Variants in PRIM2 observed in about 807,000 individuals in gnomAD.
PRIM2 encodes the protein DNA primase large subunit.
A neutral mutation model predicts 67.3 loss-of-function variants in PRIM2; 39 were observed. The observed-to-expected ratio is 0.58, with a 90% CI of 0.45 to 0.76. The LOEUF (loss-of-function observed/expected upper bound fraction) is 0.76. Among genes scored for constraint, PRIM2 ranks in the 30% least tolerant of loss-of-function variants. PRIM2 has a pLI of 0.00. For synonymous variants in PRIM2, 143 were observed against 198.7 expected (o/e 0.72, Z 2.36); for missense variants, 398 against 598.7 (o/e 0.66, Z 3.50).
intron 10 of PRIM2, among the ~76,000 whole-genome samples, chr6:57,593,303 C>A (rs1776313233): frequency 6.6e-6 from 1 of 151,664 alleles, no homozygotes. Flanking sequence ...CTTCTTCCTA[C>A]CTCTTTTTTT....
rs1268696875 is a variant in PRIM2, at chr6:57,606,271, T to C, written c.1148-104T>C. On this transcript the variant is annotated intron_variant, in intron 11 of 13. Transcript: ENST00000615550. ...CAATTACCTTTTTTTATTAATAAGC[T>C]GTTAGACAATTAAGGGGAGCTTAGA... 9 of 806,378 alleles carry C rather than the reference T, an allele frequency of 1.1e-5. No homozygotes were observed. The Admixed American group carries it at 2.0e-4, about 18-fold the overall frequency. The allele number at this position is 806,378 out of a possible 1,614,324, so 50.0% of individuals were successfully genotyped here.
chr6:57,437,955 A>T (rs1303695461), intron 7 of PRIM2, among the ~76,000 whole-genome samples: 1 of 152,116 alleles, frequency 6.6e-6, no homozygotes, highest in African/African-American at 2.4e-5. Context: ...CCCTGCCTGG[A>T]CAGGAAAGAT....
At chr6:57,372,752 G>A (rs376691627) in intron 5 of PRIM2, among the ~76,000 whole-genome samples, 14 of 152,240 alleles carry the variant, frequency 9.2e-5, no homozygotes, top group African/African-American at 3.4e-4. Flanking sequence ...ATGGCCTCTA[G>A]CTCCATCCAT....
intron 12 of PRIM2, among the ~76,000 whole-genome samples, chr6:57,627,277 C>T (rs1352481422): frequency 1.6e-4 from 2 of 12,890 alleles, no homozygotes; most frequent in East Asian, 0.012. Flanking sequence ...GAGACTCTGT[C>T]TCAAAAAAAA....
intron 10 of PRIM2, among the ~76,000 whole-genome samples, chr6:57,539,773 C>T (rs1443447496): frequency 2.0e-5 from 3 of 151,790 alleles, no homozygotes; most frequent in Non-Finnish European, 2.9e-5. Context: ...GCAGGTGGGT[C>T]GCCTGAGGTC....
chr6:57,327,830 G>A (rs1767918083), intron 5 of PRIM2, among the ~76,000 whole-genome samples: 1 of 152,104 alleles, frequency 6.6e-6, no homozygotes, highest in South Asian at 2.1e-4. Context: ...TTGGCACCAG[G>A]GACTGGTTTC....
intron 8 of PRIM2, among the ~76,000 whole-genome samples, chr6:57,510,240 TTA>T (rs1774336769): frequency 2.0e-5 from 3 of 152,178 alleles, no homozygotes; most frequent in Non-Finnish European, 4.4e-5. Flanking sequence ...ATGATAGGTA[TTA>T]TATGTTTTGT....
At chr6:57,251,911 C>A in the PRIM2 span, among the ~76,000 whole-genome samples, 1 of 152,136 alleles carries the variant, frequency 6.6e-6, no homozygotes, top group African/African-American at 2.4e-5. Flanking sequence ...GGTGAATTAA[C>A]TACACTCTTA....
At chr6:57,234,633 C>T in the PRIM2 span, among the ~76,000 whole-genome samples, 1 of 151,934 alleles carries the variant, frequency 6.6e-6, no homozygotes, top group Non-Finnish European at 1.5e-5. Flanking sequence ...AAGCGATTCT[C>T]TTGCCTCAGC....
intron 7 of PRIM2, among the ~76,000 whole-genome samples, chr6:57,434,088 C>T (rs1245624016): frequency 6.6e-6 from 1 of 151,966 alleles, no homozygotes; most frequent in African/African-American, 2.4e-5. Context: ...CCATGCCCAA[C>T]TAATTTTGTA....
upstream of PRIM2, among the ~76,000 whole-genome samples, chr6:57,312,584 C>T (rs1384243323): frequency 6.6e-6 from 1 of 152,150 alleles, no homozygotes; most frequent in Non-Finnish European, 1.5e-5. Flanking sequence ...CAATCTTTCT[C>T]TTTTTAGCTT....
intron 2 of PRIM2, among the ~76,000 whole-genome samples, chr6:57,319,946 G>T (rs887162070): frequency 2.8e-4 from 43 of 152,272 alleles, no homozygotes; most frequent in African/African-American, 9.4e-4. Context: ...TGGTGCTTTA[G>T]GAACCTTTGA....
At chr6:57,300,472 C>T in the PRIM2 span, among the ~76,000 whole-genome samples, 7 of 152,008 alleles carry the variant, frequency 4.6e-5, no homozygotes, top group South Asian at 2.1e-4. Context: ...TGTGTGTGCA[C>T]GCATGTGTAC....
chr6:57,345,356 G>A lies in PRIM2; in HGVS notation c.459+19311G>A, dbSNP rs924323918. 7.2e-4 allele frequency among the ~76,000 whole-genome samples: 109 copies of A among 151,760 alleles called. 1 individual carries two copies. Among genetic ancestry groups the A allele is most frequent in the African/African-American group, 2.5e-3 (102 of 41,376 alleles). Reference sequence around the variant, plus strand: ...TATTTTTTGTGTTTTTAGTAGAGACGGGGTTTTGTCATGTTGGCCAGGCTG... The same window carrying A: ...TATTTTTTGTGTTTTTAGTAGAGACAGGGTTTTGTCATGTTGGCCAGGCTG... On this transcript the variant is annotated intron_variant, in intron 5 of 13. Transcript: ENST00000615550.
At chr6:57,421,127 A>G (rs1159009723) in intron 7 of PRIM2, among the ~76,000 whole-genome samples, 1 of 152,236 alleles carries the variant, frequency 6.6e-6, no homozygotes, top group Non-Finnish European at 1.5e-5. Context: ...AGGAGCAGAT[A>G]GTCAGGAGTA....
chr6:57,439,714 C>T (rs1315821356), intron 7 of PRIM2, among the ~76,000 whole-genome samples: 2 of 151,742 alleles, frequency 1.3e-5, no homozygotes, highest in South Asian at 2.1e-4. Context: ...CGTGCCTGGC[C>T]GAGGTGTTCT....
chr6:57,517,425 G>T lies in PRIM2; in HGVS notation c.761+9971G>T, dbSNP rs1217260697. Among the ~76,000 whole-genome samples, 194 of 152,226 alleles carry T rather than the reference G, an allele frequency of 1.3e-3. 5 individuals carry two copies. In the East Asian group the frequency reaches 0.016, roughly 12 times the overall value. On this transcript the variant is annotated intron_variant, in intron 8 of 13. Transcript: ENST00000615550. ...TAGAACTTTCTGTGATGATGGAAGT[G>T]TTCTATACCTGTACTGTTTAATCCA...
At chr6:57,288,137 G>A in the PRIM2 span, among the ~76,000 whole-genome samples, 34 of 152,236 alleles carry the variant, frequency 2.2e-4, no homozygotes, top group Admixed American at 1.8e-3. Context: ...TGCCTGGCTC[G>A]CCAGGTCCCA....
At chr6:57,579,408 A>G (rs1363326687) in intron 10 of PRIM2, among the ~76,000 whole-genome samples, 2 of 152,144 alleles carry the variant, frequency 1.3e-5, no homozygotes, top group African/African-American at 4.8e-5. Context: ...ATAGTCTTCT[A>G]TTATTTATTG....
Sources: gnomAD v4.1 joint callset for allele counts (sites outside exome capture counted in the v4.1 genomes callset) on GRCh38, gnomAD v4.1.1 for gene constraint, MANE v1.5 for transcripts, NCBI Gene and HGNC (gene_info 2026-07-23, HGNC 2026-07-21) for gene names.